The following STK32B variants were observed in gnomAD, a reference collection of about 807,000 sequenced individuals.
STK32B encodes serine/threonine kinase 32B.
Under a neutral mutation model 52.6 loss-of-function variants are expected in STK32B, and 43 were observed. The observed-to-expected ratio is 0.82, with a 90% CI of 0.64 to 1.05. STK32B has a LOEUF of 1.05. Among genes scored for constraint, STK32B ranks in the 50% least tolerant of loss-of-function variants. The pLI is 0.00. For synonymous variants in STK32B, 238 were observed against 204.3 expected (o/e 1.17, Z -1.41); for missense variants, 621 against 534.6 (o/e 1.16, Z -1.59).
At chr4:5,081,133 T>C (rs1326580368) in intron 1 of STK32B, among the ~76,000 whole-genome samples, 3 of 151,754 alleles carry the variant, frequency 2.0e-5, no homozygotes, top group Non-Finnish European at 4.4e-5. Flanking sequence ...AATATTTCCT[T>C]CTTTTTGTTT....
In STK32B at chr4:5,220,851, A is replaced by G. The variant is rs777777633; in HGVS notation, c.260+52401A>G. Among the ~76,000 whole-genome samples, 13 of 152,232 alleles carry G rather than the reference A, an allele frequency of 8.5e-5. 1 individual carries two copies. In the South Asian group the frequency reaches 2.7e-3, roughly 32 times the overall value. The stretch of plus-strand genomic sequence containing the variant: ...GGTGGCAGTGGGGATGGAAAGTATG[A>G]GGAGAATCATTTTCTCCCTCTCCTC... On this transcript the variant is annotated intron_variant, in intron 3 of 11. Transcript: ENST00000282908.
At chr4:5,237,176 G>C (rs956501255) in intron 3 of STK32B, among the ~76,000 whole-genome samples, 2 of 152,156 alleles carry the variant, frequency 1.3e-5, no homozygotes, top group African/African-American at 4.8e-5. Context: ...GTCCTGAAAA[G>C]GTTGGCTAGG....
chr4:5,065,227 TA>T (rs1437844245), intron 1 of STK32B, among the ~76,000 whole-genome samples: 11 of 152,070 alleles, frequency 7.2e-5, no homozygotes, highest in Non-Finnish European at 1.6e-4. Context: ...TGTCAACCAG[TA>T]AAAAGGTTAA....
chr4:5,217,903 G>A (rs1200945604), intron 3 of STK32B, among the ~76,000 whole-genome samples: 1 of 152,168 alleles, frequency 6.6e-6, no homozygotes, highest in Non-Finnish European at 1.5e-5. Flanking sequence ...TTCTCATGCG[G>A]TGAAACTACT....
chr4:5,296,647 C>G (rs1187898912), intron 3 of STK32B, among the ~76,000 whole-genome samples: 1 of 152,132 alleles, frequency 6.6e-6, no homozygotes, highest in African/African-American at 2.4e-5. Context: ...TATTTTGAAT[C>G]TATATGTGTC....
intron 1 of STK32B, among the ~76,000 whole-genome samples, chr4:5,137,518 C>A (rs1302575010): frequency 9.4e-6 from 1 of 105,838 alleles, no homozygotes; most frequent in Non-Finnish European, 2.3e-5. Flanking sequence ...CTCCTCACCC[C>A]CAACACAGAG....
intron 6 of STK32B, 105 bp from the exon 7 acceptor site, chr4:5,446,566 CAA>C (rs546330873): frequency 1.4e-3 from 1,006 of 712,036 alleles, no homozygotes; most frequent in East Asian, 1.8e-3. Flanking sequence ...CAAAAAAAAA[CAA>C]AAAAAAAAAA....
At chr4:5,165,144 T>A (rs145430657) in intron 2 of STK32B, among the ~76,000 whole-genome samples, 1 of 152,190 alleles carries the variant, frequency 6.6e-6, no homozygotes, top group African/African-American at 2.4e-5. Context: ...ACCGAGGAGG[T>A]AGTCAAGGCC....
intron 2 of STK32B, among the ~76,000 whole-genome samples, chr4:5,163,535 AGGCTGT>A (rs1252693691): frequency 7.1e-5 from 7 of 98,538 alleles, no homozygotes; most frequent in African/African-American, 2.7e-4. Context: ...GATAGAGTGA[AGGCTGT>A]GTGTGTGTGT....
chr4:5,485,140 T>G (rs1719044342), intron 11 of STK32B, among the ~76,000 whole-genome samples: 1 of 152,178 alleles, frequency 6.6e-6, no homozygotes, highest in Admixed American at 6.5e-5. Context: ...TGGCCTGTCT[T>G]GCTACACTGA....
chr4:5,216,328 G>A (rs888841874), intron 3 of STK32B, among the ~76,000 whole-genome samples: 6 of 152,122 alleles, frequency 3.9e-5, no homozygotes, highest in Non-Finnish European at 7.4e-5. Flanking sequence ...TTTGTTAGGG[G>A]CCAAGGATGA....
chr4:5,388,824 G>A (rs1387598543), intron 4 of STK32B, among the ~76,000 whole-genome samples: 1 of 152,156 alleles, frequency 6.6e-6, no homozygotes, highest in Non-Finnish European at 1.5e-5. Flanking sequence ...GTGCATCCTT[G>A]CACATGTTTG....
At chr4:5,078,691 CCAT>C (rs1418857926) in intron 1 of STK32B, among the ~76,000 whole-genome samples, 31 of 152,154 alleles carry the variant, frequency 2.0e-4, no homozygotes, top group African/African-American at 7.5e-4. Context: ...GGAGCACCCT[CCAT>C]CTACCTGCTT....
chr4:5,345,855 T>C (rs1235910722), intron 4 of STK32B, among the ~76,000 whole-genome samples: 2 of 152,246 alleles, frequency 1.3e-5, no homozygotes, highest in African/African-American at 4.8e-5. Context: ...TCTTTTGCTT[T>C]TGCTTGTGTA....
chr4:5,266,362 A>G (rs997052573), intron 3 of STK32B, among the ~76,000 whole-genome samples: 1 of 152,260 alleles, frequency 6.6e-6, no homozygotes, highest in African/African-American at 2.4e-5. Context: ...AGCCCTCTTC[A>G]GAGCTGCACA....
rs1444821680 is a variant in STK32B, at chr4:5,399,951, C to T, written c.472+1707C>T. ...TGGTTCTGCTTAGCTGTCTGGAAAG[C>T]AGGGGTCTGGAAGGCTGGGTTCCAG... On this transcript the variant is annotated intron_variant, in intron 5 of 11. Coordinates refer to ENST00000282908, the MANE Select transcript of STK32B (RefSeq NM_018401.3). The surrounding 1 kb of genome is among the most constrained non-coding windows in gnomAD (Gnocchi z 5.4). 1.3e-5 allele frequency among the ~76,000 whole-genome samples: 2 copies of T among 152,176 alleles called. No homozygotes were observed. The highest frequency in any genetic ancestry group is 2.9e-5 in the Non-Finnish European group (2 of 68,030).
intron 4 of STK32B, among the ~76,000 whole-genome samples, chr4:5,364,673 T>G (rs1473278072): frequency 6.6e-6 from 1 of 152,074 alleles, no homozygotes; most frequent in Non-Finnish European, 1.5e-5. Context: ...GGACAGCCCC[T>G]CTAGAATCAT....
At chr4:5,403,099 G>T (rs1037103141) in intron 5 of STK32B, among the ~76,000 whole-genome samples, 1 of 152,116 alleles carries the variant, frequency 6.6e-6, no homozygotes, top group African/African-American at 2.4e-5. Flanking sequence ...TTGGCCTCTG[G>T]AGCCTTGCTA....
At position 5,472,542 on chromosome 4, in the gene STK32B, T is replaced by C. The variant is rs189687122; in HGVS notation, c.1106+4472T>C. Among the ~76,000 whole-genome samples, 723 of 152,286 alleles carry C rather than the reference T, an allele frequency of 4.7e-3. 6 individuals carry two copies. Among genetic ancestry groups the C allele is most frequent in the Non-Finnish European group, 5.5e-3 (372 of 68,028 alleles). ...GAGAAATGCACCAGGGGGCCCATCC[T>C]CCTATTCTTGGCCAAAGATCTGAGC... On this transcript the variant is annotated intron_variant, in intron 11 of 11. Coordinates refer to ENST00000282908, the MANE Select transcript of STK32B (RefSeq NM_018401.3).
Sources: allele counts gnomAD v4.1 joint callset (sites outside exome capture counted in the v4.1 genomes callset), GRCh38; gene constraint gnomAD v4.1.1; non-coding constraint Gnocchi (gnomAD v3.1); transcripts MANE v1.5; gene names NCBI Gene and HGNC (gene_info 2026-07-23, HGNC 2026-07-21).